The following TSHR variants were observed in gnomAD, a reference collection of about 807,000 sequenced individuals.
The protein encoded by TSHR is thyrotropin receptor.
TSHR carries 51 observed loss-of-function variants against 64.1 expected under a neutral mutation model. The observed-to-expected ratio is 0.80, with a 90% CI of 0.64 to 1.01. The LOEUF (loss-of-function observed/expected upper bound fraction) is 1.01. Ranked by LOEUF, TSHR falls within the 50% of genes least tolerant of loss-of-function variation. The pLI is 0.00. For synonymous variants in TSHR, 361 were observed against 361.9 expected (o/e 1.00, Z 0.03); for missense variants, 877 against 942.8 (o/e 0.93, Z 0.91).
chr14:81,064,677 C>T (rs1384752735), intron 2 of TSHR, among the ~76,000 whole-genome samples: 1 of 151,764 alleles, frequency 6.6e-6, no homozygotes, highest in Non-Finnish European at 1.5e-5. Context: ...GAAATAAGTA[C>T]ATGGGAAAAA....
intron 1 of TSHR, among the ~76,000 whole-genome samples, chr14:81,009,335 C>T (rs750334533): frequency 7.2e-5 from 11 of 152,122 alleles, no homozygotes; most frequent in Non-Finnish European, 1.2e-4. Context: ...GGCTACACTG[C>T]ATATTAATTG....
intron 1 of TSHR, among the ~76,000 whole-genome samples, chr14:81,031,487 A>T (rs149962140): frequency 2.9e-3 from 439 of 152,358 alleles, no homozygotes; most frequent in African/African-American, 9.9e-3. Context: ...AACTTGAAGA[A>T]ATAAATATAT....
chr14:81,078,698 AACTGCACTGATGGAG>A (rs1887676642), intron 3 of TSHR: 1 of 152,244 alleles, frequency 6.6e-6, no homozygotes, highest in South Asian at 2.1e-4. Flanking sequence ...TAAGACGTCC[AACTGCACTGATGGAG>A]AGACCGTGTG....
At chr14:81,068,939 C>T (rs1298606798) in intron 3 of TSHR, among the ~76,000 whole-genome samples, 1 of 152,010 alleles carries the variant, frequency 6.6e-6, no homozygotes, top group African/African-American at 2.4e-5. Flanking sequence ...GTCAATATAC[C>T]ATTCAAAAAT....
chr14:80,983,205 C>T (rs1888260054), intron 1 of TSHR: 1 of 1,220,442 alleles, frequency 8.2e-7, no homozygotes, highest in Non-Finnish European at 1.1e-6. Context: ...AATTGAATTA[C>T]ATGTTAAGCA....
rs1356834635 is a variant in TSHR at position 81,139,685 on chromosome 14, G to C, written c.699G>C (p.Val233=). ...TCTGTTCTCTGCCTCCCAGGGACGT[G>C]TCTCAAACCAGTGTCACTGCCCTTC... is the stretch of plus-strand genomic sequence containing the variant. The part of the protein sequence containing the change: ...GVYSGPSLLD[V]SQTSVTALPS... Residue 233 remains valine, a synonymous_variant, in exon 9 of 10, where the codon GTG becomes GTC. Transcript: ENST00000298171. The C allele has an allele frequency of 2.5e-6, 4 of 1,614,100 alleles. No homozygotes were observed. Among genetic ancestry groups the C allele is most frequent in the Non-Finnish European group, 3.4e-6 (4 of 1,180,038 alleles).
At chr14:81,105,976 AT>A (rs1281533731) in intron 7 of TSHR, among the ~76,000 whole-genome samples, 2 of 151,210 alleles carry the variant, frequency 1.3e-5, no homozygotes, top group Non-Finnish European at 2.9e-5. Flanking sequence ...TTCAAGGTGG[AT>A]TTTGCCCACT....
At chr14:81,088,555 G>C (rs2139971033) in intron 4 of TSHR, among the ~76,000 whole-genome samples, 1 of 152,254 alleles carries the variant, frequency 6.6e-6, no homozygotes, top group East Asian at 1.9e-4. Flanking sequence ...TGAATCCAGG[G>C]ACCACAACAT....
intron 7 of TSHR, among the ~76,000 whole-genome samples, chr14:81,100,290 A>T (rs1469270704): frequency 6.6e-6 from 1 of 152,196 alleles, no homozygotes; most frequent in Non-Finnish European, 1.5e-5. Context: ...AGCAGTTCTC[A>T]GTTACAGGAG....
chr14:81,109,037 T>A, intron 8 of TSHR: 1 of 1,168,644 alleles, frequency 8.6e-7, no homozygotes, highest in Non-Finnish European at 1.1e-6. Context: ...AGCCTCTGTA[T>A]CATTGCCACC....
chr14:81,090,623 A>T (rs1043160998), intron 4 of TSHR, among the ~76,000 whole-genome samples: 4 of 152,174 alleles, frequency 2.6e-5, no homozygotes, highest in African/African-American at 9.7e-5. Context: ...TGGCAAAATA[A>T]CAGCATAATA....
chr14:81,015,039 C>T (rs1240066561), intron 1 of TSHR, among the ~76,000 whole-genome samples: 3 of 152,068 alleles, frequency 2.0e-5, no homozygotes, highest in Non-Finnish European at 4.4e-5. Flanking sequence ...GGTGTGAATA[C>T]AGAAATGGTC....
intron 7 of TSHR, among the ~76,000 whole-genome samples, chr14:81,107,891 C>T (rs1390733679): frequency 6.6e-6 from 1 of 152,134 alleles, no homozygotes; most frequent in Non-Finnish European, 1.5e-5. Context: ...CTAAATCTGA[C>T]AACTTTACCC....
intron 8 of TSHR, 68 bp downstream of exon 8, chr14:81,108,520 G>A (rs745804430): frequency 1.5e-6 from 1 of 688,314 alleles, no homozygotes; most frequent in Non-Finnish European, 2.1e-6. Context: ...AATAAATGGA[G>A]ACATTAAGGG....
At chr14:81,044,551 G>C (rs182470989) in intron 1 of TSHR, among the ~76,000 whole-genome samples, 43 of 152,052 alleles carry the variant, frequency 2.8e-4, no homozygotes, top group African/African-American at 9.6e-4. Flanking sequence ...CCAGCTACTT[G>C]GGAGGCTGAG....
chr14:81,103,406 C>T lies in TSHR; in HGVS notation c.615-4969C>T, dbSNP rs971465050. On this transcript the variant is annotated intron_variant, in intron 7 of 9. Coordinates refer to ENST00000298171, the MANE Select transcript of TSHR (RefSeq NM_000369.5). The surrounding 1 kb of genome is among the most constrained non-coding windows in gnomAD (Gnocchi z 4.1). ...ACAATGTGTCATCCAAAAGAGCAAT[C>T]ATCCCCTATCATTCCACTTCATGAC... The T allele has an allele frequency of 2.0e-6, 2 of 985,294 alleles. No individual in the cohort carries two copies. The highest frequency in any genetic ancestry group is 3.5e-5 in the African/African-American group (2 of 57,232). The allele number at this position is 985,294 out of a possible 1,614,324, so 61.0% of individuals were successfully genotyped here.
intron 3 of TSHR, among the ~76,000 whole-genome samples, chr14:81,072,622 T>G (rs998767785): frequency 6.6e-6 from 1 of 152,100 alleles, no homozygotes; most frequent in Non-Finnish European, 1.5e-5. Context: ...TTACATTAAC[T>G]GCATTAAATG....
At chr14:81,067,268 GT>G (rs1186967579) in intron 2 of TSHR, among the ~76,000 whole-genome samples, 2 of 151,510 alleles carry the variant, frequency 1.3e-5, no homozygotes, top group Non-Finnish European at 2.9e-5. Flanking sequence ...TGATGCTCAT[GT>G]TTTTTTGCTA....
At chr14:81,028,761 A>C (rs1217996811) in intron 1 of TSHR, among the ~76,000 whole-genome samples, 1 of 152,134 alleles carries the variant, frequency 6.6e-6, no homozygotes, top group Non-Finnish European at 1.5e-5. Context: ...AAGATGATGT[A>C]ATAAAAAATT....
Sources: gnomAD v4.1 joint callset for allele counts (sites outside exome capture counted in the v4.1 genomes callset) on GRCh38, gnomAD v4.1.1 for gene constraint, Gnocchi (gnomAD v3.1) non-coding constraint, MANE v1.5 for transcripts, NCBI Gene and HGNC (gene_info 2026-07-23, HGNC 2026-07-21) for gene names.